The following UPF2 variants were observed in gnomAD, a reference collection of about 807,000 sequenced individuals.
UPF2 encodes the protein regulator of nonsense transcripts 2.
In UPF2, 17 loss-of-function variants were observed where a neutral mutation model predicts 141.4. The ratio of observed to expected loss-of-function variants is 0.12; its 90% CI spans 0.08 to 0.18. The LOEUF (loss-of-function observed/expected upper bound fraction) is 0.18. Ranked by LOEUF, UPF2 falls within the 10% of genes least tolerant of loss-of-function variation. The probability of loss-of-function intolerance (pLI) is 1.00; values close to 1 mark genes in which losing one functional copy is unlikely to be tolerated. For synonymous variants in UPF2, 540 were observed against 498.0 expected (o/e 1.08, Z -1.12); for missense variants, 1,152 against 1,515.9 (o/e 0.76, Z 3.99).
chr10:11,985,465 G>C (rs1299435959), intron 8 of UPF2, among the ~76,000 whole-genome samples: 3 of 151,950 alleles, frequency 2.0e-5, no homozygotes, highest in African/African-American at 7.3e-5. Context: ...GTGAAACCCT[G>C]TCTCTACTAA....
intron 8 of UPF2, among the ~76,000 whole-genome samples, chr10:11,985,641 C>CAAA (rs1833677754): frequency 1.3e-3 from 192 of 147,682 alleles, no homozygotes; most frequent in African/African-American, 4.6e-3. Flanking sequence ...AAAAAACAAA[C>CAAA]AAACAAAAAA....
At chr10:11,942,274 G>A (rs942935649) in intron 18 of UPF2, among the ~76,000 whole-genome samples, 5 of 152,310 alleles carry the variant, frequency 3.3e-5, no homozygotes, top group Non-Finnish European at 7.3e-5. Flanking sequence ...TAGGGAGGCT[G>A]AGGCACAAGA....
chr10:12,008,084 T>C (rs562373868), intron 4 of UPF2, among the ~76,000 whole-genome samples: 32 of 151,906 alleles, frequency 2.1e-4, no homozygotes, highest in African/African-American at 5.8e-4. Context: ...GGTTTCACCA[T>C]GTTGGCCAGG....
intron 16 of UPF2, among the ~76,000 whole-genome samples, chr10:11,947,858 G>T (rs188693278): frequency 1.3e-5 from 2 of 149,472 alleles, no homozygotes; most frequent in Admixed American, 1.3e-4. Context: ...AAATAAAAAT[G>T]CTATAATCAG....
intron 4 of UPF2, among the ~76,000 whole-genome samples, chr10:12,007,472 G>C (rs1048113904): frequency 6.6e-6 from 1 of 152,090 alleles, no homozygotes; most frequent in African/African-American, 2.4e-5. Context: ...ATAAAAAATA[G>C]GAATATCACA....
chr10:11,923,793 C>T (rs1449543212), intron 21 of UPF2, among the ~76,000 whole-genome samples: 1 of 152,048 alleles, frequency 6.6e-6, no homozygotes, highest in Non-Finnish European at 1.5e-5. Flanking sequence ...GAGCCGAGAT[C>T]CCGGCACTGC....
chr10:12,040,029 A>G (rs1276268558), intron 1 of UPF2, among the ~76,000 whole-genome samples: 2 of 152,238 alleles, frequency 1.3e-5, no homozygotes, highest in Non-Finnish European at 2.9e-5. Context: ...TATTAGTTCA[A>G]CAAAGTCCCA....
intron 9 of UPF2, among the ~76,000 whole-genome samples, chr10:11,975,866 G>A (rs1245212425): frequency 6.6e-6 from 1 of 152,176 alleles, no homozygotes. Context: ...CATCATTTCA[G>A]CATTGTGATT....
At chr10:11,986,992 A>G (rs1466002123) in intron 8 of UPF2, among the ~76,000 whole-genome samples, 1 of 152,240 alleles carries the variant, frequency 6.6e-6, no homozygotes, top group Non-Finnish European at 1.5e-5. Flanking sequence ...CTAAAGAGCC[A>G]ACACTTGGCT....
intron 8 of UPF2, among the ~76,000 whole-genome samples, chr10:11,990,283 CA>C: frequency 6.6e-6 from 1 of 152,282 alleles, no homozygotes; most frequent in Admixed American, 6.5e-5. Flanking sequence ...ATGATAAACC[CA>C]TATTCCTGAC....
chr10:12,018,417 C>T (rs1834261078), intron 3 of UPF2, among the ~76,000 whole-genome samples: 1 of 152,004 alleles, frequency 6.6e-6, no homozygotes, highest in Non-Finnish European at 1.5e-5. Flanking sequence ...TCCATCTCTG[C>T]TAAAAATACA....
chr10:12,035,560 G>A lies in UPF2; in HGVS notation c.-18-119C>T. 10 of 1,121,742 alleles carry A rather than the reference G, an allele frequency of 8.9e-6. No individual in the cohort carries two copies. In the South Asian group the frequency reaches 1.1e-4, roughly 12 times the overall value. 69.5% of individuals were successfully genotyped at this position (1,121,742 alleles called of 1,614,324 possible). ...TGGCAATTGTAAAAGAGTAAATAAA[G>A]GCAGGTAAAATGAATACTATTTCTG... On this transcript the variant is annotated intron_variant, in intron 1 of 21. Coordinates refer to ENST00000357604, the MANE Select transcript of UPF2 (RefSeq NM_015542.4).
intron 4 of UPF2, among the ~76,000 whole-genome samples, chr10:12,007,647 A>G (rs1033150192): frequency 2.6e-5 from 4 of 151,800 alleles, no homozygotes; most frequent in Non-Finnish European, 5.9e-5. Context: ...TAGCTAACAC[A>G]GTGAAACCCC....
At chr10:11,955,149 T>C (rs1833128896) in intron 14 of UPF2, 83 bp downstream of exon 14, 6 of 1,310,566 alleles carry the variant, frequency 4.6e-6, no homozygotes, top group Non-Finnish European at 6.0e-6. Context: ...ATGAATACCA[T>C]AACGTTTCTT....
At chr10:12,023,046 G>A (rs1026335080) in intron 3 of UPF2, among the ~76,000 whole-genome samples, 1 of 152,096 alleles carries the variant, frequency 6.6e-6, no homozygotes, top group Admixed American at 6.6e-5. Context: ...GATATTTTGA[G>A]ATTACTCAAA....
At chr10:11,984,210 C>T (rs1438285670) in intron 8 of UPF2, among the ~76,000 whole-genome samples, 1 of 152,196 alleles carries the variant, frequency 6.6e-6, no homozygotes, top group African/African-American at 2.4e-5. Flanking sequence ...CGTGAGCCAG[C>T]GTGCCCGATC....
At chr10:12,033,851 A>G (rs955279684) in intron 2 of UPF2, among the ~76,000 whole-genome samples, 4 of 152,054 alleles carry the variant, frequency 2.6e-5, no homozygotes, top group South Asian at 2.1e-4. Context: ...GCCCGGCCTA[A>G]TAAGTTTTAT....
At position 11,980,467 on chromosome 10, in the gene UPF2, C is replaced by T. The variant is rs971707601; in HGVS notation, c.1845-1302G>A. 7.2e-5 allele frequency among the ~76,000 whole-genome samples: 11 copies of T among 152,096 alleles called. No homozygotes were observed. The highest frequency in any genetic ancestry group is 2.4e-4 in the African/African-American group (10 of 41,406). On this transcript the variant is annotated intron_variant, in intron 8 of 21. Coordinates refer to ENST00000357604, the MANE Select transcript of UPF2 (RefSeq NM_015542.4). This position sits in a 1 kb window ranked among gnomAD's most constrained non-coding sequence, Gnocchi z 4.2. ...GTCTTAATTATCGCTGAGTGGAGGC[C>T]GGGCACGGTGGCTCACATCTGTAAT...
chr10:12,004,991 T>C (rs1173767276), intron 4 of UPF2, among the ~76,000 whole-genome samples: 1 of 152,162 alleles, frequency 6.6e-6, no homozygotes, highest in Non-Finnish European at 1.5e-5. Context: ...TAATATGAGA[T>C]TAAGTAGCCA....
Sources: gnomAD v4.1 joint callset for allele counts (sites outside exome capture counted in the v4.1 genomes callset) on GRCh38, gnomAD v4.1.1 for gene constraint, Gnocchi (gnomAD v3.1) non-coding constraint, MANE v1.5 for transcripts, NCBI Gene and HGNC (gene_info 2026-07-23, HGNC 2026-07-21) for gene names.